The following AP3S1 variants were observed in gnomAD, a reference collection of about 807,000 sequenced individuals.
AP3S1 encodes AP-3 complex subunit sigma-1.
AP3S1 carries 12 observed loss-of-function variants against 21.3 expected under a neutral mutation model. That is an observed-to-expected ratio of 0.56 (90% CI 0.36 to 0.91). The LOEUF (loss-of-function observed/expected upper bound fraction) is 0.91. Among genes scored for constraint, AP3S1 ranks in the 40% least tolerant of loss-of-function variants. AP3S1 has a pLI of 0.01. For synonymous variants in AP3S1, 48 were observed against 78.4 expected (o/e 0.61, Z 2.05); for missense variants, 116 against 225.0 (o/e 0.52, Z 3.10).
At chr5:115,878,514 TG>T (rs1354330896) in intron 3 of AP3S1, among the ~76,000 whole-genome samples, 2 of 152,202 alleles carry the variant, frequency 1.3e-5, no homozygotes, top group African/African-American at 4.8e-5. Context: ...TGTAGATGTG[TG>T]GCATTATTTC....
At chr5:115,889,236 G>T (rs1580710549) in intron 3 of AP3S1, among the ~76,000 whole-genome samples, 2 of 152,138 alleles carry the variant, frequency 1.3e-5, no homozygotes, top group South Asian at 4.1e-4. Context: ...TACCAAGATG[G>T]TCTTCTCATG....
intron 5 of AP3S1, among the ~76,000 whole-genome samples, chr5:115,907,168 A>T (rs1751720749): frequency 6.6e-6 from 1 of 152,244 alleles, no homozygotes; most frequent in Non-Finnish European, 1.5e-5. Flanking sequence ...CAGAAGTGAC[A>T]ATTTACTTTG....
At chr5:115,895,827 G>A (rs943120956) in intron 4 of AP3S1, among the ~76,000 whole-genome samples, 18 of 152,174 alleles carry the variant, frequency 1.2e-4, no homozygotes, top group African/African-American at 4.1e-4. Flanking sequence ...CTACGATGAG[G>A]TTTGAAAGAA....
intron 1 of AP3S1, among the ~76,000 whole-genome samples, chr5:115,861,067 CAGACT>C (rs1415307462): frequency 1.6e-4 from 24 of 152,124 alleles, no homozygotes; most frequent in Non-Finnish European, 3.1e-4. Context: ...TGTTAGAATT[CAGACT>C]ACTACAAAGG....
At chr5:115,847,039 A>G (rs1297173308) in intron 1 of AP3S1, among the ~76,000 whole-genome samples, 3 of 152,352 alleles carry the variant, frequency 2.0e-5, no homozygotes, top group Middle Eastern at 3.4e-3. Flanking sequence ...TCACAAAATT[A>G]CTATTATCCA....
intron 5 of AP3S1, among the ~76,000 whole-genome samples, chr5:115,905,198 A>C (rs970598503): frequency 6.6e-6 from 1 of 152,232 alleles, no homozygotes; most frequent in African/African-American, 2.4e-5. Flanking sequence ...TAATTATTGC[A>C]TAATGGGTAT....
At chr5:115,865,895 T>A (rs1763573362) in intron 1 of AP3S1, among the ~76,000 whole-genome samples, 1 of 152,120 alleles carries the variant, frequency 6.6e-6, no homozygotes, top group Non-Finnish European at 1.5e-5. Flanking sequence ...GCCTCCTGGG[T>A]TCAAGCGATT....
At chr5:115,909,004 G>C (rs1031317377) in intron 5 of AP3S1, 34 of 983,642 alleles carry the variant, frequency 3.5e-5, no homozygotes, top group Non-Finnish European at 4.0e-5. Context: ...TGTGCATATA[G>C]CAACTTCCAG....
At chr5:115,905,081 T>C (rs1751532422) in intron 5 of AP3S1, among the ~76,000 whole-genome samples, 1 of 152,200 alleles carries the variant, frequency 6.6e-6, no homozygotes, top group South Asian at 2.1e-4. Context: ...ATTTATATCC[T>C]ACTGCTCAAG....
chr5:115,901,283 G>A (rs1381861587), intron 4 of AP3S1, among the ~76,000 whole-genome samples: 1 of 152,040 alleles, frequency 6.6e-6, no homozygotes, highest in Non-Finnish European at 1.5e-5. Context: ...GATATAGCTA[G>A]CTGAGTAGCT....
At chr5:115,889,587 C>T (rs974434565) in intron 3 of AP3S1, among the ~76,000 whole-genome samples, 1 of 152,056 alleles carries the variant, frequency 6.6e-6, no homozygotes, top group Non-Finnish European at 1.5e-5. Flanking sequence ...TCTGTTCTTC[C>T]AAGGGCACTG....
chr5:115,884,542 T>G (rs1749607430), intron 3 of AP3S1, among the ~76,000 whole-genome samples: 1 of 152,138 alleles, frequency 6.6e-6, no homozygotes, highest in African/African-American at 2.4e-5. Context: ...ACCTTTGTAC[T>G]CCAGCCTGGG....
chr5:115,867,408 T>G (rs1471259155), intron 2 of AP3S1, among the ~76,000 whole-genome samples: 2 of 152,168 alleles, frequency 1.3e-5, no homozygotes, highest in African/African-American at 4.8e-5. Context: ...ATAAGAATAT[T>G]GCCAAATATT....
intron 5 of AP3S1, among the ~76,000 whole-genome samples, chr5:115,912,669 A>G (rs1752198089): frequency 6.6e-6 from 1 of 152,050 alleles, no homozygotes; most frequent in Admixed American, 6.5e-5. Context: ...ATGCTATATG[A>G]CAAAACATTT....
intron 4 of AP3S1, among the ~76,000 whole-genome samples, chr5:115,899,587 C>G (rs1346911596): frequency 1.3e-5 from 2 of 152,158 alleles, no homozygotes; most frequent in African/African-American, 4.8e-5. Flanking sequence ...CACCTGGCCT[C>G]ACTTGAAATT....
rs149637539 is a variant in AP3S1, at chr5:115,901,100, A to T, written c.346-1785A>T. Among the ~76,000 whole-genome samples, 778 of 152,252 alleles carry T rather than the reference A, an allele frequency of 5.1e-3. 2 individuals carry two copies. The highest frequency in any genetic ancestry group is 7.0e-3 in the South Asian group (34 of 4,828). ...TGTATATCAGGCACCAGTCTCTTTT[A>T]TGGTTTTCCTAACTTAATTTCTCAT... On this transcript the variant is annotated intron_variant, in intron 4 of 5. Transcript: ENST00000316788.
chr5:115,896,091 A>T (rs1750736175), intron 4 of AP3S1, among the ~76,000 whole-genome samples: 1 of 152,172 alleles, frequency 6.6e-6, no homozygotes, highest in Non-Finnish European at 1.5e-5. Flanking sequence ...TAGCAAAAAA[A>T]ATCCAGTGTG....
rs1752322546 is a variant in AP3S1, at chr5:115,914,047, A to G, written c.*557A>G. ...ATTTTTTTTACAACCCTCTGACTCA[A>G]CAAAGTAAATAAAAGTATATTTTAT... On this transcript the variant is annotated 3_prime_UTR_variant, in exon 6 of 6. Coordinates refer to ENST00000316788, the MANE Select transcript of AP3S1 (RefSeq NM_001284.4). The G allele has an allele frequency of 8.2e-6, 1 of 121,438 alleles. No homozygotes were observed. The highest frequency in any genetic ancestry group is 2.6e-4 in the South Asian group (1 of 3,918). 7.5% of individuals were successfully genotyped at this position (121,438 alleles called of 1,614,324 possible).
At chr5:115,892,115 A>G (rs1417021873) in intron 3 of AP3S1, among the ~76,000 whole-genome samples, 1 of 152,250 alleles carries the variant, frequency 6.6e-6, no homozygotes, top group Non-Finnish European at 1.5e-5. Context: ...GCAGTGAGAT[A>G]TCATCTCATT....
Sources: gnomAD v4.1 joint callset for allele counts (sites outside exome capture counted in the v4.1 genomes callset) on GRCh38, gnomAD v4.1.1 for gene constraint, MANE v1.5 for transcripts, NCBI Gene and HGNC (gene_info 2026-07-23, HGNC 2026-07-21) for gene names.